The following ZBTB38 variants were observed in gnomAD, a reference collection of about 807,000 sequenced individuals.
ZBTB38 encodes zinc finger and BTB domain containing 38.
In ZBTB38, 20 loss-of-function variants were observed where a neutral mutation model predicts 76.8. That is an observed-to-expected ratio of 0.26 (90% CI 0.18 to 0.38). ZBTB38 has a LOEUF of 0.38. ZBTB38 is among the 10% of genes least tolerant of loss of function. ZBTB38 has a pLI of 1.00. For synonymous variants in ZBTB38, 504 were observed against 544.2 expected, an observed-to-expected ratio of 0.93 and a Z score of 1.03; for missense variants, 1,082 against 1,482.3, an observed-to-expected ratio of 0.73 and a Z score of 4.43.
At chr3:141,361,229 T>A (rs1225666213) in intron 1 of ZBTB38, among the ~76,000 whole-genome samples, 1 of 152,200 alleles carries the variant, frequency 6.6e-6, no homozygotes, top group Non-Finnish European at 1.5e-5. Flanking sequence ...GTCAGTGTTT[T>A]TAGATATGGC....
Position 141,449,680 on chromosome 3 carries a change from C to A in ZBTB38, c.*3704C>A, listed in dbSNP as rs903647221. 3.9e-5 allele frequency: 6 copies of A among 152,120 alleles called. No homozygotes were observed. Among genetic ancestry groups the A allele is most frequent in the Middle Eastern group, 3.4e-3 (1 of 294 alleles). The allele number at this position is 152,120 out of a possible 1,614,324, so 9.4% of individuals were successfully genotyped here. On this transcript the variant is annotated 3_prime_UTR_variant, in exon 6 of 6. Transcript: ENST00000321464. ...GGAAGGGCAATCCAAACCAGATTCACCAAAAATTTGATAACTGTTATCTGC... is the reference window on the plus strand; with the variant it reads ...GGAAGGGCAATCCAAACCAGATTCAACAAAAATTTGATAACTGTTATCTGC...
intron 5 of ZBTB38, among the ~76,000 whole-genome samples, chr3:141,406,185 G>A (rs543115608): frequency 6.6e-6 from 1 of 152,320 alleles, no homozygotes; most frequent in South Asian, 2.1e-4. Flanking sequence ...ACCAATAGGT[G>A]TCATTAAAGG....
chr3:141,334,444 C>T (rs138050771), intron 1 of ZBTB38, among the ~76,000 whole-genome samples: 66 of 75,028 alleles, frequency 8.8e-4, no homozygotes, highest in Non-Finnish European at 1.2e-3. Flanking sequence ...TTCCTTCCTT[C>T]TTTCCTTTCT....
intron 2 of ZBTB38, among the ~76,000 whole-genome samples, chr3:141,377,461 G>A (rs1945550354): frequency 6.6e-6 from 1 of 152,168 alleles, no homozygotes; most frequent in South Asian, 2.1e-4. Flanking sequence ...CCAAATGCTG[G>A]CAAACATGTG....
rs141608486 is a variant in ZBTB38 at position 141,416,139 on chromosome 3, C to G, written c.-1+12108C>G. Among the ~76,000 whole-genome samples, 461 of 152,210 alleles carry G rather than the reference C, an allele frequency of 3.0e-3. 2 individuals carry two copies. The highest frequency in any genetic ancestry group is 0.011 in the African/African-American group (447 of 41,524). On this transcript the variant is annotated intron_variant, in intron 5 of 5. Coordinates refer to ENST00000321464, the MANE Select transcript of ZBTB38 (RefSeq NM_001376113.1). Reference sequence around the variant, plus strand: ...ACGGGAAAGACAGAAATAATTAATCCCATGCTGCCATGGTGACCTGTCTGG... The same window carrying G: ...ACGGGAAAGACAGAAATAATTAATCGCATGCTGCCATGGTGACCTGTCTGG...
chr3:141,344,248 G>A (rs1943278050), intron 1 of ZBTB38, among the ~76,000 whole-genome samples: 1 of 152,122 alleles, frequency 6.6e-6, no homozygotes, highest in African/African-American at 2.4e-5. Flanking sequence ...AAATCAAAGT[G>A]TCTACAGCTC....
intron 4 of ZBTB38, among the ~76,000 whole-genome samples, chr3:141,393,412 G>C (rs758330812): frequency 2.0e-4 from 30 of 152,146 alleles, no homozygotes; most frequent in Non-Finnish European, 3.7e-4. Flanking sequence ...CTGAGAGTGT[G>C]GTTAAATCCC....
rs535735921 is a variant in ZBTB38 at position 141,448,721 on chromosome 3, G to A, written c.*2745G>A. 2.0e-5 allele frequency: 3 copies of A among 152,112 alleles called. No individual in the cohort carries two copies. Among genetic ancestry groups the A allele is most frequent in the Non-Finnish European group, 2.9e-5 (2 of 68,010 alleles). The allele number at this position is 152,112 out of a possible 1,614,324, so 9.4% of individuals were successfully genotyped here. A position where few individuals can be genotyped will look rare whatever the true frequency, so the allele number is the denominator to read the frequency against. ...TCCTACATTAAGTCTCTTTTTAAATGTTTTCATGTTATTTCTTTTGTGCAG... is the reference window on the plus strand; with the variant it reads ...TCCTACATTAAGTCTCTTTTTAAATATTTTCATGTTATTTCTTTTGTGCAG... On this transcript the variant is annotated 3_prime_UTR_variant, in exon 6 of 6. Coordinates refer to ENST00000321464, the MANE Select transcript of ZBTB38 (RefSeq NM_001376113.1).
chr3:141,418,112 C>A (rs368737182), intron 5 of ZBTB38, among the ~76,000 whole-genome samples: 2 of 152,296 alleles, frequency 1.3e-5, no homozygotes, highest in African/African-American at 4.8e-5. Context: ...TTGGTGTTTT[C>A]TCAAGTTTCC....
intron 2 of ZBTB38, among the ~76,000 whole-genome samples, chr3:141,372,462 A>G (rs1042491978): frequency 6.6e-6 from 1 of 152,042 alleles, no homozygotes; most frequent in Admixed American, 6.5e-5. Flanking sequence ...CAGCCTGACC[A>G]ACATGGTGAA....
At chr3:141,360,541 A>G (rs568731948) in intron 1 of ZBTB38, among the ~76,000 whole-genome samples, 1 of 152,320 alleles carries the variant, frequency 6.6e-6, no homozygotes, top group Admixed American at 6.5e-5. Flanking sequence ...ACTCTTATTT[A>G]TGAACATGTA....
intron 2 of ZBTB38, among the ~76,000 whole-genome samples, chr3:141,378,509 A>C (rs979896181): frequency 1.3e-5 from 2 of 152,248 alleles, no homozygotes; most frequent in African/African-American, 4.8e-5. Context: ...AGGTGGAGAA[A>C]GTAGACACTG....
intron 1 of ZBTB38, among the ~76,000 whole-genome samples, chr3:141,328,090 A>C (rs569936489): frequency 6.6e-6 from 1 of 152,236 alleles, no homozygotes; most frequent in South Asian, 2.1e-4. Context: ...ATCATTTTAC[A>C]TAATATATTC....
chr3:141,334,449 C>T (rs1295403085), intron 1 of ZBTB38, among the ~76,000 whole-genome samples: 7 of 112,296 alleles, frequency 6.2e-5, no homozygotes, highest in African/African-American at 3.2e-4. Context: ...TCCTTCTTTC[C>T]TTTCTTCCTT....
chr3:141,376,084 A>G (rs1945321400), intron 2 of ZBTB38, among the ~76,000 whole-genome samples: 1 of 152,152 alleles, frequency 6.6e-6, no homozygotes. Flanking sequence ...GAAACCCATC[A>G]ACCCACACCC....
At chr3:141,353,067 G>A (rs1559917628) in intron 1 of ZBTB38, among the ~76,000 whole-genome samples, 1 of 152,016 alleles carries the variant, frequency 6.6e-6, no homozygotes, top group South Asian at 2.1e-4. Context: ...CCATGATGAA[G>A]GAGTTTCAGG....
chr3:141,400,822 G>C (rs1179315226), intron 4 of ZBTB38, among the ~76,000 whole-genome samples: 18 of 152,202 alleles, frequency 1.2e-4, no homozygotes, highest in Admixed American at 1.2e-3. Context: ...GATGAAGAAG[G>C]CACGGGAGTT....
At chr3:141,373,903 G>A (rs549350752) in intron 2 of ZBTB38, among the ~76,000 whole-genome samples, 12 of 152,296 alleles carry the variant, frequency 7.9e-5, no homozygotes, top group South Asian at 6.2e-4. Flanking sequence ...GCTGAGGTGC[G>A]CAGATTGCTT....
chr3:141,366,354 A>T (rs1943964519), upstream of ZBTB38: 1 of 152,232 alleles, frequency 6.6e-6, no homozygotes, highest in Non-Finnish European at 1.5e-5. Context: ...CAGAGCAGGG[A>T]GGTGCCCAGA....
Sources: allele counts gnomAD v4.1 joint callset (sites outside exome capture counted in the v4.1 genomes callset), GRCh38; gene constraint gnomAD v4.1.1; transcripts MANE v1.5; gene names NCBI Gene and HGNC (gene_info 2026-07-23, HGNC 2026-07-21).